DNAAF11: variants seen among roughly 807,000 people sequenced by gnomAD.
DNAAF11 encodes dynein axonemal assembly factor 11.
In DNAAF11, 45 loss-of-function variants were observed where a neutral mutation model predicts 60.8. That is an observed-to-expected ratio of 0.74 (90% CI 0.58 to 0.95). The LOEUF (loss-of-function observed/expected upper bound fraction) is 0.95, where lower values mean the gene tolerates loss of function less well. DNAAF11 is among the 40% of genes least tolerant of loss of function. The pLI is 0.00. For synonymous variants in DNAAF11, 191 were observed against 183.5 expected, an observed-to-expected ratio of 1.04 and a Z score of -0.33; for missense variants, 546 against 546.2, an observed-to-expected ratio of 1.00 and a Z score of 0.00.
rs118072389 is a variant in DNAAF11 at position 132,643,149 on chromosome 8, C to T, written c.257-5042G>A. On this transcript the variant is annotated intron_variant, in intron 3 of 11. Transcript: ENST00000620350. ...ACCCTCTTGGCCCACTGCTCACCTC[C>T]TGCTGTCAGCCGGTTCCTAACAGGC... Among the ~76,000 whole-genome samples the T allele has an allele frequency of 2.0e-5, 3 of 152,368 alleles. No homozygotes were observed. The East Asian group carries it at 5.8e-4, about 29-fold the overall frequency.
the DNAAF11 span, among the ~76,000 whole-genome samples, chr8:132,685,890 A>T: frequency 6.6e-6 from 1 of 152,186 alleles, no homozygotes; most frequent in Non-Finnish European, 1.5e-5. Context: ...TAAGGGTCCC[A>T]TTAATCCAAT....
rs1436365010 is a variant in DNAAF11 at position 132,661,360 on chromosome 8, T to C, written c.178+100A>G. ...GCTGTGTCTGTTTTCCCATGGAGTT[T>C]TTTTTTCAGTGATTGTCTTCTAAAA... is the stretch of plus-strand genomic sequence containing the variant. On this transcript the variant is annotated intron_variant, in intron 2 of 11. Transcript: ENST00000620350. The C allele has an allele frequency of 3.4e-4, 346 of 1,006,962 alleles. 2 individuals carry two copies. The highest frequency in any genetic ancestry group is 7.4e-5 in the Non-Finnish European group (52 of 700,746). The allele number at this position is 1,006,962 out of a possible 1,614,324, so 62.4% of individuals were successfully genotyped here. A position where few individuals can be genotyped will look rare whatever the true frequency, so the allele number is the denominator to read the frequency against.
At chr8:132,601,013 C>T (rs1817556479) in intron 10 of DNAAF11, among the ~76,000 whole-genome samples, 1 of 151,278 alleles carries the variant, frequency 6.6e-6, no homozygotes, top group South Asian at 2.2e-4. Flanking sequence ...AAAAGTTTTG[C>T]AATCTACTTA....
At chr8:132,620,179 T>C (rs1181702401) in intron 7 of DNAAF11, among the ~76,000 whole-genome samples, 1 of 151,752 alleles carries the variant, frequency 6.6e-6, no homozygotes, top group Non-Finnish European at 1.5e-5. Flanking sequence ...GACCAGCAAG[T>C]AGAGGTGAAT....
chr8:132,635,361 C>A (rs564179318), intron 4 of DNAAF11, among the ~76,000 whole-genome samples: 1 of 152,294 alleles, frequency 6.6e-6, no homozygotes, highest in East Asian at 1.9e-4. Context: ...TACTGAAGGC[C>A]TCACAGAACT....
chr8:132,590,119 C>T (rs538918731), intron 10 of DNAAF11, among the ~76,000 whole-genome samples: 61 of 152,304 alleles, frequency 4.0e-4, no homozygotes, highest in Middle Eastern at 6.8e-3. Context: ...AAGATAGAAC[C>T]CTGCTGGCTT....
intron 3 of DNAAF11, among the ~76,000 whole-genome samples, chr8:132,651,375 G>A (rs1822995750): frequency 6.6e-6 from 1 of 151,900 alleles, no homozygotes. Flanking sequence ...GGTTGAAGGT[G>A]TACCCCCATC....
rs997622101 is a variant in DNAAF11, at chr8:132,637,812, G to A, written c.429+123C>T. The A allele has an allele frequency of 2.1e-5, 15 of 728,524 alleles. No homozygotes were observed. The African/African-American group carries it at 2.3e-4, about 11-fold the overall frequency. 45.1% of individuals were successfully genotyped at this position (728,524 alleles called of 1,614,324 possible). ...TCTAGCCATTCAAATAATTACTTTG[G>A]GCTCTCTGGAATATTCCATTATCTG... On this transcript the variant is annotated intron_variant, in intron 4 of 11. Coordinates refer to ENST00000620350, the MANE Select transcript of DNAAF11 (RefSeq NM_012472.6).
intron 8 of DNAAF11, among the ~76,000 whole-genome samples, chr8:132,613,494 A>G (rs1322291899): frequency 6.6e-6 from 1 of 152,264 alleles, no homozygotes; most frequent in Admixed American, 6.5e-5. Flanking sequence ...CTATAGAGAC[A>G]GAAAACAGAT....
chr8:132,597,448 T>A (rs1013002987), intron 10 of DNAAF11, among the ~76,000 whole-genome samples: 3 of 152,202 alleles, frequency 2.0e-5, no homozygotes, highest in African/African-American at 7.2e-5. Context: ...CCTGGTGAGA[T>A]CTGACTTACC....
chr8:132,638,192 G>GT lies in DNAAF11; in HGVS notation c.257-86dup, dbSNP rs1249376951. 5 of 978,586 alleles carry GT rather than the reference G, an allele frequency of 5.1e-6. No individual in the cohort carries two copies. The Admixed American group carries it at 9.7e-5, about 19-fold the overall frequency. The allele number at this position is 978,586 out of a possible 1,614,324, so 60.6% of individuals were successfully genotyped here. On this transcript the variant is annotated intron_variant, in intron 3 of 11. Coordinates refer to ENST00000620350, the MANE Select transcript of DNAAF11 (RefSeq NM_012472.6). ...ACGTGTGTAACATCACATAACAGAAGTAACAGTTGTAGTATTTTCAGTCTG... is the reference window on the plus strand; with the variant it reads ...ACGTGTGTAACATCACATAACAGAAGTTAACAGTTGTAGTATTTTCAGTCTG...
intron 6 of DNAAF11, 65 bp from the exon 7 acceptor site, chr8:132,622,753 T>A: frequency 9.3e-7 from 1 of 1,072,350 alleles, no homozygotes; most frequent in South Asian, 1.3e-5. Flanking sequence ...AAAGAGAATA[T>A]AAAAGCAATT....
At position 132,674,160 on chromosome 8, in the gene DNAAF11, A is replaced by AAGGAGGAGGAGGAGAAGGAGGAGG. The variant is rs1554613110; in HGVS notation, c.10+1323_10+1324insCCTCCTCCTTCTCCTCCTCCTCCT. 7.4e-4 allele frequency among the ~76,000 whole-genome samples: 29 copies of AAGGAGGAGGAGGAGAAGGAGGAGG among 38,948 alleles called. 3 individuals are homozygous for AAGGAGGAGGAGGAGAAGGAGGAGG. The highest frequency in any genetic ancestry group is 2.9e-3 in the African/African-American group (28 of 9,766). 25.6% of individuals were successfully genotyped at this position (38,948 alleles called of 152,430 possible). Reference sequence around the variant, plus strand: ...GAAGGAGGAGGAAGAGGAGGAGGAGAAGGAGAAGGAGGAGGAGGAGAAGGA... The same window carrying AAGGAGGAGGAGGAGAAGGAGGAGG: ...GAAGGAGGAGGAAGAGGAGGAGGAGAAGGAGGAGGAGGAGAAGGAGGAGGAGGAGAAGGAGGAGGAGGAGAAGGA... On this transcript the variant is annotated intron_variant, in intron 1 of 11. Transcript: ENST00000620350.
At chr8:132,602,889 G>C (rs1286469159) in intron 10 of DNAAF11, among the ~76,000 whole-genome samples, 1 of 151,944 alleles carries the variant, frequency 6.6e-6, no homozygotes, top group Non-Finnish European at 1.5e-5. Flanking sequence ...ACTTATCCAA[G>C]ACAACCTTCA....
At chr8:132,650,951 G>A (rs765969867) in intron 3 of DNAAF11, among the ~76,000 whole-genome samples, 1 of 152,098 alleles carries the variant, frequency 6.6e-6, no homozygotes. Flanking sequence ...ATGTCTACTT[G>A]GCCTACAATT....
At chr8:132,638,204 G>T in intron 3 of DNAAF11, 97 bp from the exon 4 acceptor site, 1 of 880,864 alleles carries the variant, frequency 1.1e-6, no homozygotes, top group Non-Finnish European at 1.8e-6. Flanking sequence ...AACAGTTGTA[G>T]TATTTTCAGT....
intron 5 of DNAAF11, 64 bp from the exon 6 acceptor site, chr8:132,625,518 G>A: frequency 8.2e-7 from 1 of 1,217,684 alleles, no homozygotes; most frequent in Non-Finnish European, 1.1e-6. Flanking sequence ...CCTTAATGCT[G>A]GCCCTTTAAT....
intron 1 of DNAAF11, among the ~76,000 whole-genome samples, chr8:132,663,146 G>A (rs551163297): frequency 4.6e-5 from 7 of 152,314 alleles, no homozygotes; most frequent in South Asian, 2.1e-4. Flanking sequence ...AGCCCAAAGC[G>A]CCCAGGAAGG....
chr8:132,659,838 G>A (rs1823958252), intron 2 of DNAAF11, among the ~76,000 whole-genome samples: 1 of 151,930 alleles, frequency 6.6e-6, no homozygotes, highest in South Asian at 2.1e-4. Context: ...GGGGGTGGGG[G>A]AGCATCCTGA....
Sources: allele counts gnomAD v4.1 joint callset (sites outside exome capture counted in the v4.1 genomes callset), GRCh38; gene constraint gnomAD v4.1.1; transcripts MANE v1.5; gene names NCBI Gene and HGNC (gene_info 2026-07-23, HGNC 2026-07-21).